HSD17B12: variants seen among roughly 807,000 people sequenced by gnomAD.
HSD17B12 encodes very-long-chain 3-oxoacyl-CoA reductase.
A neutral mutation model predicts 39.3 loss-of-function variants in HSD17B12; 32 were observed. That is an observed-to-expected ratio of 0.81 (90% CI 0.61 to 1.09). The LOEUF is 1.09. HSD17B12 is among the 50% of genes least tolerant of loss of function. HSD17B12 has a pLI of 0.00. For missense variants in HSD17B12, 342 were observed against 382.9 expected (o/e 0.89, Z 0.89); for synonymous variants, 150 against 146.7 (o/e 1.02, Z -0.16).
the HSD17B12 span, among the ~76,000 whole-genome samples, chr11:43,586,925 T>C: frequency 2.0e-5 from 3 of 152,180 alleles, no homozygotes; most frequent in African/African-American, 7.2e-5. Context: ...TGACAACTTC[T>C]AAATAGGAAA....
chr11:43,805,667 T>C (rs961676066), intron 4 of HSD17B12, among the ~76,000 whole-genome samples: 3 of 152,196 alleles, frequency 2.0e-5, no homozygotes, highest in East Asian at 3.9e-4. Flanking sequence ...GGGCAGGATA[T>C]AACTTTTGTG....
At chr11:43,775,465 T>A (rs1021971467) in intron 3 of HSD17B12, among the ~76,000 whole-genome samples, 1 of 150,198 alleles carries the variant, frequency 6.7e-6, no homozygotes, top group Non-Finnish European at 1.5e-5. Flanking sequence ...GAGAACTCTT[T>A]GAACAAATAA....
the HSD17B12 span, among the ~76,000 whole-genome samples, chr11:43,591,084 A>G: frequency 6.6e-6 from 1 of 152,162 alleles, no homozygotes; most frequent in Non-Finnish European, 1.5e-5. Context: ...ATATTTAAAT[A>G]AAAGAGGAAA....
the HSD17B12 span, among the ~76,000 whole-genome samples, chr11:43,590,615 C>T: frequency 4.4e-3 from 647 of 148,008 alleles, 1 homozygote; most frequent in African/African-American, 0.015. Flanking sequence ...AGCAATTCTC[C>T]TGCCTTAGCC....
At chr11:43,625,319 G>A in the HSD17B12 span, among the ~76,000 whole-genome samples, 1 of 151,490 alleles carries the variant, frequency 6.6e-6, no homozygotes, top group East Asian at 1.9e-4. Context: ...CTTTTATAAA[G>A]CCTGTGGTAA....
chr11:43,842,530 T>C (rs1951436623), intron 9 of HSD17B12, among the ~76,000 whole-genome samples: 2 of 152,202 alleles, frequency 1.3e-5, no homozygotes, highest in Non-Finnish European at 2.9e-5. Flanking sequence ...GTACTCTCTT[T>C]TTCCCCTTTC....
intron 3 of HSD17B12, among the ~76,000 whole-genome samples, chr11:43,785,275 A>T (rs190389875): frequency 1.3e-5 from 2 of 152,342 alleles, no homozygotes; most frequent in Non-Finnish European, 2.9e-5. Context: ...AAGGGGGATA[A>T]CAACAACAAA....
chr11:43,783,379 A>G (rs942811683), intron 3 of HSD17B12, among the ~76,000 whole-genome samples: 3 of 147,100 alleles, frequency 2.0e-5, no homozygotes, highest in African/African-American at 7.5e-5. Flanking sequence ...CTTAAATATT[A>G]TTGAGGACTC....
chr11:43,812,308 A>G (rs1166035874), intron 4 of HSD17B12, among the ~76,000 whole-genome samples: 1 of 152,194 alleles, frequency 6.6e-6, no homozygotes, highest in Non-Finnish European at 1.5e-5. Flanking sequence ...TGTTTTCCAC[A>G]GTGGCTATAC....
At chr11:43,580,837 C>T in the HSD17B12 span, among the ~76,000 whole-genome samples, 1 of 151,998 alleles carries the variant, frequency 6.6e-6, no homozygotes, top group African/African-American at 2.4e-5. Context: ...GAAATGTGAG[C>T]TCTCTTCTGA....
At chr11:43,806,493 A>AT (rs1016767387) in intron 4 of HSD17B12, 7 of 152,148 alleles carry the variant, frequency 4.6e-5, no homozygotes, top group African/African-American at 1.7e-4. Context: ...ACACAATAGA[A>AT]TATTATTCAG....
chr11:43,627,526 T>A, the HSD17B12 span, among the ~76,000 whole-genome samples: 1 of 151,968 alleles, frequency 6.6e-6, no homozygotes, highest in Non-Finnish European at 1.5e-5. Flanking sequence ...TGTATTCTAG[T>A]CTCTTAAAGT....
the HSD17B12 span, among the ~76,000 whole-genome samples, chr11:43,615,171 G>A: frequency 1.3e-5 from 2 of 152,116 alleles, no homozygotes; most frequent in African/African-American, 4.8e-5. Context: ...AAGTTTTTAG[G>A]TGGGGTATAG....
intron 3 of HSD17B12, among the ~76,000 whole-genome samples, chr11:43,766,561 T>A (rs1950597506): frequency 6.6e-6 from 1 of 152,208 alleles, no homozygotes; most frequent in South Asian, 2.1e-4. Context: ...CCATCATAGA[T>A]TTCCTGGTAA....
At chr11:43,614,663 T>C in the HSD17B12 span, among the ~76,000 whole-genome samples, 1 of 152,194 alleles carries the variant, frequency 6.6e-6, no homozygotes, top group African/African-American at 2.4e-5. Flanking sequence ...GACCATTTTT[T>C]ATTATCCTAC....
intron 9 of HSD17B12, among the ~76,000 whole-genome samples, chr11:43,849,095 T>G (rs565374847): frequency 6.6e-6 from 1 of 152,150 alleles, no homozygotes; most frequent in South Asian, 2.1e-4. Context: ...TTGGGCTCAT[T>G]GAGTTCAAGA....
chr11:43,742,772 T>G (rs1950381208), intron 1 of HSD17B12, among the ~76,000 whole-genome samples: 1 of 151,652 alleles, frequency 6.6e-6, no homozygotes, highest in African/African-American at 2.4e-5. Flanking sequence ...TTTTTTTTTG[T>G]GCCCATAAAT....
In HSD17B12 at chr11:43,754,152, A is replaced by G. The variant is rs529915104; in HGVS notation, c.283+31A>G. The G allele has an allele frequency of 2.1e-5, 29 of 1,397,904 alleles. No individual in the cohort carries two copies. In the South Asian group the frequency reaches 2.2e-4, roughly 11 times the overall value. The allele number at this position is 1,397,904 out of a possible 1,614,324, so 86.6% of individuals were successfully genotyped here. On this transcript the variant is annotated intron_variant, in intron 3 of 10. Transcript: ENST00000278353. The stretch of plus-strand genomic sequence containing the variant: ...TTCTCACATCAAACAAAAGGAATAC[A>G]TAGCTAATTAATGTTTTCAAGCAGT...
intron 1 of HSD17B12, among the ~76,000 whole-genome samples, chr11:43,719,566 C>T (rs1461841779): frequency 6.6e-6 from 1 of 151,468 alleles, no homozygotes; most frequent in Non-Finnish European, 1.5e-5. Flanking sequence ...TATGGTCCAA[C>T]TGGTCTGTCT....
Sources: allele counts gnomAD v4.1 joint callset (sites outside exome capture counted in the v4.1 genomes callset), GRCh38; gene constraint gnomAD v4.1.1; transcripts MANE v1.5; gene names NCBI Gene and HGNC (gene_info 2026-07-23, HGNC 2026-07-21).